Variants in ATXN7L1 observed in about 807,000 individuals in gnomAD.
The protein encoded by ATXN7L1 is ataxin 7 like 1.
Under a neutral mutation model 70.8 loss-of-function variants are expected in ATXN7L1, and 15 were observed. The observed-to-expected ratio is 0.21, with a 90% CI of 0.14 to 0.33. The LOEUF is 0.33. Ranked by LOEUF, ATXN7L1 falls within the 10% of genes least tolerant of loss-of-function variation. The pLI, the probability that ATXN7L1 is intolerant of heterozygous loss-of-function variation, is 1.00. For missense variants in ATXN7L1, 975 were observed against 1,097.1 expected (o/e 0.89, Z 1.57); for synonymous variants, 440 against 445.1 (o/e 0.99, Z 0.14).
At chr7:105,752,624 G>C (rs1799344105) in intron 3 of ATXN7L1, among the ~76,000 whole-genome samples, 1 of 152,218 alleles carries the variant, frequency 6.6e-6, no homozygotes, top group South Asian at 2.1e-4. Flanking sequence ...GCTGTCAACT[G>C]TCACGTGGAT....
At position 105,665,128 on chromosome 7, in the gene ATXN7L1, T is replaced by C. The variant is rs1419800173; in HGVS notation, c.516A>G (p.Leu172=). Residue 172 remains leucine, a synonymous_variant, in exon 4 of 12, where the codon CTA becomes CTG. Transcript: ENST00000419735. ...TGTGCTGTTTGCTGCTGGAGGTAAG[T>C]AGATTGTCTTTGGGCGTTTTGAATG... ...SKPFKTPKDN[L]LTSSSKQHTV... The C allele has an allele frequency of 1.3e-6, 2 of 1,551,680 alleles. No homozygotes were observed. The highest frequency in any genetic ancestry group is 1.7e-6 in the Non-Finnish European group (2 of 1,146,982).
intron 4 of ATXN7L1, among the ~76,000 whole-genome samples, chr7:105,645,683 G>A (rs1022937964): frequency 9.2e-5 from 14 of 151,742 alleles, no homozygotes; most frequent in African/African-American, 1.5e-4. Context: ...CGTGGCAGCG[G>A]GCGCCTGTAG....
intron 3 of ATXN7L1, among the ~76,000 whole-genome samples, chr7:105,711,369 C>G (rs775166470): frequency 4.6e-5 from 7 of 152,216 alleles, no homozygotes; most frequent in Non-Finnish European, 1.0e-4. Context: ...GCCATTAACT[C>G]AAAAGTCCAC....
At chr7:105,850,893 A>C (rs981295055) in intron 2 of ATXN7L1, among the ~76,000 whole-genome samples, 1 of 152,174 alleles carries the variant, frequency 6.6e-6, no homozygotes, top group African/African-American at 2.4e-5. Context: ...CAATATCAAA[A>C]GGGGCAGAAA....
intron 2 of ATXN7L1, 93 bp from the exon 3 acceptor site, chr7:105,788,801 T>C: frequency 9.7e-7 from 1 of 1,028,462 alleles, no homozygotes; most frequent in Non-Finnish European, 1.5e-6. Context: ...AAGGACAGTT[T>C]TTCAAACACA....
chr7:105,614,759 G>A lies in ATXN7L1; in HGVS notation c.1575C>T (p.Thr525=), dbSNP rs1584298424. 2 of 1,551,708 alleles carry A rather than the reference G, an allele frequency of 1.3e-6. No homozygotes were observed. The highest frequency in any genetic ancestry group is 1.7e-4 in the Middle Eastern group (1 of 5,992). The change falls in exon 10 of 12, where the codon ACC becomes ACT. Residue 525 remains threonine (T), a synonymous_variant. Coordinates refer to ENST00000419735, the MANE Select transcript of ATXN7L1 (RefSeq NM_020725.2). This position sits in a 1 kb window ranked among gnomAD's most constrained non-coding sequence, Gnocchi z 4.3. Reference sequence around the variant, plus strand: ...GCTGCAAAACGGATGCTGGAACGGGGGTGGTGATGTGGGCTGCTGGCGAGG... The same window carrying A: ...GCTGCAAAACGGATGCTGGAACGGGAGTGGTGATGTGGGCTGCTGGCGAGG... ...PLPSPAAHIT[T]PVPASVLQPF...
intron 3 of ATXN7L1, among the ~76,000 whole-genome samples, chr7:105,736,744 A>G (rs575956860): frequency 2.2e-4 from 34 of 152,238 alleles, no homozygotes; most frequent in Admixed American, 4.6e-4. Flanking sequence ...TCTTCCCCAG[A>G]CTAATTAAAT....
At chr7:105,609,176 CTT>C (rs887755241) in intron 11 of ATXN7L1, among the ~76,000 whole-genome samples, 2 of 147,154 alleles carry the variant, frequency 1.4e-5, no homozygotes. Context: ...TCCCCCTCCT[CTT>C]TTTTTTTTTG....
At chr7:105,866,599 C>A (rs1433582542) in intron 2 of ATXN7L1, among the ~76,000 whole-genome samples, 2 of 152,180 alleles carry the variant, frequency 1.3e-5, no homozygotes, top group East Asian at 3.9e-4. Context: ...GGGTCCAAAT[C>A]CAGGTCCATT....
At chr7:105,865,869 T>A (rs1294441987) in intron 2 of ATXN7L1, among the ~76,000 whole-genome samples, 11 of 152,140 alleles carry the variant, frequency 7.2e-5, no homozygotes, top group Admixed American at 1.3e-4. Context: ...AGCCCCTGAA[T>A]ACCCACCATT....
chr7:105,665,784 T>C (rs1802516872), intron 3 of ATXN7L1, among the ~76,000 whole-genome samples: 1 of 152,118 alleles, frequency 6.6e-6, no homozygotes, highest in Non-Finnish European at 1.5e-5. Context: ...CGAAAGGACT[T>C]TGCAAGCGAG....
At chr7:105,700,949 TG>T (rs542854716) in intron 3 of ATXN7L1, among the ~76,000 whole-genome samples, 6 of 152,216 alleles carry the variant, frequency 3.9e-5, no homozygotes, top group Non-Finnish European at 5.9e-5. Context: ...CCCAAAGTGC[TG>T]GGATTATAGG....
In ATXN7L1 at chr7:105,839,441, G is replaced by A. The variant is rs373433244; in HGVS notation, c.250+36371C>T. ...GGGTGTAAATGCTGGCAGCTTCCCC[G>A]TTTGGACTGGGTTCAAGATGGTACC... is the stretch of plus-strand genomic sequence containing the variant. On this transcript the variant is annotated intron_variant, in intron 2 of 11. Coordinates refer to ENST00000419735, the MANE Select transcript of ATXN7L1 (RefSeq NM_020725.2). 1.6e-3 allele frequency among the ~76,000 whole-genome samples: 239 copies of A among 152,270 alleles called. 2 individuals carry two copies. Among genetic ancestry groups the A allele is most frequent in the Admixed American group, 5.4e-3 (83 of 15,302 alleles).
intron 7 of ATXN7L1, among the ~76,000 whole-genome samples, chr7:105,636,421 T>A (rs906828900): frequency 1.3e-5 from 2 of 150,510 alleles, no homozygotes; most frequent in African/African-American, 4.9e-5. Context: ...AAGATTCTGT[T>A]ACCAACCTGT....
chr7:105,716,665 GCACACACACACACACACACACA>G lies in ATXN7L1; in HGVS notation c.356-51399_356-51378del, dbSNP rs58217531. ...GGCAACATGGCGAAAACCTATCTCT[GCACACACACACACACACACACA>G]CACACACACACACACACACACACAC... On this transcript the variant is annotated intron_variant, in intron 3 of 11. Coordinates refer to ENST00000419735, the MANE Select transcript of ATXN7L1 (RefSeq NM_020725.2). Among the ~76,000 whole-genome samples the G allele has an allele frequency of 2.6e-4, 33 of 125,612 alleles. No homozygotes were observed. In the South Asian group the frequency reaches 3.9e-3, roughly 15 times the overall value. 82.4% of individuals were successfully genotyped at this position (125,612 alleles called of 152,430 possible).
intron 2 of ATXN7L1, among the ~76,000 whole-genome samples, chr7:105,821,308 C>T (rs990953042): frequency 6.6e-6 from 1 of 152,092 alleles, no homozygotes; most frequent in African/African-American, 2.4e-5. Flanking sequence ...CAAAGTGCTG[C>T]GATTACAGGC....
chr7:105,786,934 G>A (rs1804390561), intron 3 of ATXN7L1, among the ~76,000 whole-genome samples: 1 of 152,154 alleles, frequency 6.6e-6, no homozygotes, highest in Admixed American at 6.5e-5. Flanking sequence ...TAGCCTCTGC[G>A]TTCTCACAAG....
chr7:105,723,166 G>A (rs778758635), intron 3 of ATXN7L1, among the ~76,000 whole-genome samples: 1 of 152,180 alleles, frequency 6.6e-6, no homozygotes, highest in Non-Finnish European at 1.5e-5. Context: ...CAAAGCAGAG[G>A]GGCTAAGAGG....
chr7:105,719,699 G>T (rs1330887689), intron 3 of ATXN7L1, among the ~76,000 whole-genome samples: 1 of 152,118 alleles, frequency 6.6e-6, no homozygotes, highest in South Asian at 2.1e-4. Flanking sequence ...TCAAATAGGG[G>T]GTGTACCTGG....
Sources: allele counts gnomAD v4.1 joint callset (sites outside exome capture counted in the v4.1 genomes callset), GRCh38; gene constraint gnomAD v4.1.1; non-coding constraint Gnocchi (gnomAD v3.1); transcripts MANE v1.5; gene names NCBI Gene and HGNC (gene_info 2026-07-23, HGNC 2026-07-21).